AKAP19: variants seen among roughly 807,000 people sequenced by gnomAD.
The protein encoded by AKAP19 is A-kinase anchoring protein 19, also known as small A-kinase anchoring protein.
At chr2:189,942,199 C>T in the AKAP19 span, among the ~76,000 whole-genome samples, 1 of 152,108 alleles carries the variant, frequency 6.6e-6, no homozygotes. Context: ...TCCCTCATGG[C>T]TTGGTACTGT....
At chr2:190,048,806 G>A in the AKAP19 span, among the ~76,000 whole-genome samples, 1 of 152,156 alleles carries the variant, frequency 6.6e-6, no homozygotes, top group East Asian at 1.9e-4. Flanking sequence ...TTTTATATCA[G>A]CAGGGAAAAA....
At chr2:190,154,954 C>T in the AKAP19 span, among the ~76,000 whole-genome samples, 21 of 152,124 alleles carry the variant, frequency 1.4e-4, no homozygotes, top group African/African-American at 4.8e-4. Flanking sequence ...AGTTGGCAGA[C>T]ACTCCCACCG....
the AKAP19 span, among the ~76,000 whole-genome samples, chr2:189,940,145 G>C: frequency 1.3e-5 from 2 of 152,110 alleles, no homozygotes; most frequent in South Asian, 2.1e-4. Context: ...CTAGTGTGGT[G>C]GTGGGCCCCT....
the AKAP19 span, among the ~76,000 whole-genome samples, chr2:190,005,374 T>C: frequency 6.6e-6 from 1 of 152,124 alleles, no homozygotes; most frequent in African/African-American, 2.4e-5. Context: ...AGAGTGCTGA[T>C]TGATGCATTT....
the AKAP19 span, among the ~76,000 whole-genome samples, chr2:190,140,515 G>T: frequency 1.3e-5 from 2 of 152,162 alleles, no homozygotes; most frequent in African/African-American, 4.8e-5. Context: ...CTTGACTTCT[G>T]TGCACCTGCA....
At chr2:190,192,709 G>A in the AKAP19 span, among the ~76,000 whole-genome samples, 9 of 152,030 alleles carry the variant, frequency 5.9e-5, no homozygotes, top group South Asian at 4.2e-4. Flanking sequence ...TATTTTTCAC[G>A]TACAACGTAC....
At chr2:190,022,199 G>C in the AKAP19 span, among the ~76,000 whole-genome samples, 1 of 152,102 alleles carries the variant, frequency 6.6e-6, no homozygotes, top group Non-Finnish European at 1.5e-5. Context: ...ATTTCAACAT[G>C]AATTTTGGAG....
chr2:189,960,208 A>G, the AKAP19 span, among the ~76,000 whole-genome samples: 1 of 152,208 alleles, frequency 6.6e-6, no homozygotes, highest in Non-Finnish European at 1.5e-5. Context: ...AGATGCCTAA[A>G]TCTTTCCTTG....
chr2:190,144,241 T>A, the AKAP19 span, among the ~76,000 whole-genome samples: 3 of 124,790 alleles, frequency 2.4e-5, no homozygotes, highest in Admixed American at 8.0e-5. Flanking sequence ...ACAAAAAGGC[T>A]CTAACAGAAA....
the AKAP19 span, among the ~76,000 whole-genome samples, chr2:189,906,689 A>T: frequency 6.6e-6 from 1 of 152,166 alleles, no homozygotes; most frequent in Admixed American, 6.6e-5. Flanking sequence ...ATATAGATAT[A>T]CAACTATTTA....
chr2:190,024,768 A>C, the AKAP19 span, among the ~76,000 whole-genome samples: 1 of 152,084 alleles, frequency 6.6e-6, no homozygotes, highest in Non-Finnish European at 1.5e-5. Context: ...ATATACACCT[A>C]ATATTTCAGT....
the AKAP19 span, among the ~76,000 whole-genome samples, chr2:190,105,561 TTC>T: frequency 6.6e-6 from 1 of 152,222 alleles, no homozygotes; most frequent in Non-Finnish European, 1.5e-5. Context: ...TATTTCACGA[TTC>T]CTCTTTTTTT....
At chr2:190,078,010 T>G in the AKAP19 span, among the ~76,000 whole-genome samples, 1 of 152,202 alleles carries the variant, frequency 6.6e-6, no homozygotes, top group Non-Finnish European at 1.5e-5. Flanking sequence ...GTTCTTTGCC[T>G]GGCTCATGAA....
chr2:190,003,560 T>G, the AKAP19 span, among the ~76,000 whole-genome samples: 1 of 152,158 alleles, frequency 6.6e-6, no homozygotes, highest in East Asian at 1.9e-4. Flanking sequence ...TTTTTTAAAA[T>G]TAATATAAAA....
the AKAP19 span, among the ~76,000 whole-genome samples, chr2:189,950,328 T>C: frequency 3.4e-5 from 1 of 29,798 alleles, no homozygotes; most frequent in Non-Finnish European, 8.2e-5. Context: ...GCGCCCAGCC[T>C]TTTTTGTTTT....
the AKAP19 span, among the ~76,000 whole-genome samples, chr2:189,939,235 GTT>G: frequency 6.6e-6 from 1 of 152,180 alleles, no homozygotes; most frequent in South Asian, 2.1e-4. Flanking sequence ...GCTGTAGGAG[GTT>G]TGTTCCATCG....
At chr2:190,000,579 A>G in the AKAP19 span, among the ~76,000 whole-genome samples, 4 of 152,192 alleles carry the variant, frequency 2.6e-5, no homozygotes, top group African/African-American at 9.7e-5. Context: ...GTTTCTTGGA[A>G]CTATTAGGGG....
chr2:190,003,880 A>G, the AKAP19 span, among the ~76,000 whole-genome samples: 1 of 152,220 alleles, frequency 6.6e-6, no homozygotes, highest in African/African-American at 2.4e-5. Flanking sequence ...AGAAAAAAAA[A>G]AGTTGTATTC....
At chr2:189,959,773 G>A in the AKAP19 span, among the ~76,000 whole-genome samples, 1 of 152,112 alleles carries the variant, frequency 6.6e-6, no homozygotes, top group Non-Finnish European at 1.5e-5. Flanking sequence ...TGACCATTTG[G>A]TTCACTTGTA....
Sources: allele counts gnomAD v4.1 joint callset (sites outside exome capture counted in the v4.1 genomes callset), GRCh38; gene constraint gnomAD v4.1.1; transcripts MANE v1.5; gene names NCBI Gene and HGNC (gene_info 2026-07-23, HGNC 2026-07-21).